The following TRAPPC9 variants were observed in gnomAD, a reference collection of about 807,000 sequenced individuals.
TRAPPC9 encodes the protein trafficking protein particle complex subunit 9, also known as IKK2 binding protein.
A neutral mutation model predicts 124.0 loss-of-function variants in TRAPPC9; 83 were observed. That is an observed-to-expected ratio of 0.67 (90% confidence interval 0.56 to 0.80). TRAPPC9 has a LOEUF of 0.80. Ranked by LOEUF, TRAPPC9 falls within the 30% of genes least tolerant of loss-of-function variation. The pLI, the probability that TRAPPC9 is intolerant of heterozygous loss-of-function variation, is 0.00. For missense variants in TRAPPC9, 1,302 were observed against 1,508.3 expected, an observed-to-expected ratio of 0.86 and a Z score of 2.27; for synonymous variants, 638 against 617.5, an observed-to-expected ratio of 1.03 and a Z score of -0.49.
intron 18 of TRAPPC9, among the ~76,000 whole-genome samples, chr8:140,014,219 G>A (rs1468987398): frequency 6.6e-6 from 1 of 152,132 alleles, no homozygotes; most frequent in Non-Finnish European, 1.5e-5. Context: ...AAATGTCTAA[G>A]AGTGGATCGT....
At chr8:140,004,675 C>A (rs112663125) in intron 18 of TRAPPC9, among the ~76,000 whole-genome samples, 7,126 of 152,160 alleles carry the variant, frequency 0.047, 176 homozygotes, top group South Asian at 0.076. Flanking sequence ...GCTGCAAAAC[C>A]TACCAGCCAA....
At chr8:140,082,139 T>C (rs956528700) in intron 17 of TRAPPC9, 1 of 152,214 alleles carries the variant, frequency 6.6e-6, no homozygotes, top group Non-Finnish European at 1.5e-5. Context: ...TTCTTCCTTA[T>C]CTGAAATGTG....
intron 21 of TRAPPC9, among the ~76,000 whole-genome samples, chr8:139,832,006 C>G (rs1826026989): frequency 6.6e-6 from 1 of 152,222 alleles, no homozygotes; most frequent in African/African-American, 2.4e-5. Flanking sequence ...AACCTTGTGT[C>G]TCCAGGTTCC....
chr8:140,115,461 G>A (rs60338212), intron 17 of TRAPPC9, among the ~76,000 whole-genome samples: 1 of 151,904 alleles, frequency 6.6e-6, no homozygotes, highest in Non-Finnish European at 1.5e-5. Flanking sequence ...TAGAGACGGG[G>A]TTTCACCGTC....
chr8:139,937,574 G>T (rs1833613914), intron 19 of TRAPPC9, among the ~76,000 whole-genome samples: 1 of 152,130 alleles, frequency 6.6e-6, no homozygotes, highest in Admixed American at 6.5e-5. Context: ...GTGGGGCCAG[G>T]AGAGAGGGAG....
intron 19 of TRAPPC9, among the ~76,000 whole-genome samples, chr8:139,976,207 C>T (rs1234974747): frequency 6.6e-6 from 1 of 151,946 alleles, no homozygotes; most frequent in South Asian, 2.1e-4. Context: ...TTTTTTAACA[C>T]CCCATGCTGG....
chr8:139,855,659 G>A (rs963010714), intron 21 of TRAPPC9, among the ~76,000 whole-genome samples: 2 of 152,160 alleles, frequency 1.3e-5, no homozygotes, highest in Non-Finnish European at 2.9e-5. Context: ...AGGCCCTGGC[G>A]CCTCTCTCTG....
chr8:139,771,071 C>T (rs1373635837), intron 21 of TRAPPC9, among the ~76,000 whole-genome samples: 1 of 152,116 alleles, frequency 6.6e-6, no homozygotes, highest in African/African-American at 2.4e-5. Flanking sequence ...GTGTGGTCAG[C>T]CCTTGAGCAT....
chr8:140,085,246 C>T (rs974319621), intron 17 of TRAPPC9, among the ~76,000 whole-genome samples: 62 of 151,992 alleles, frequency 4.1e-4, no homozygotes, highest in African/African-American at 1.3e-3. Flanking sequence ...CGAGCCCACA[C>T]GCCCACGTCC....
At chr8:140,358,771 C>A (rs2132165713) in intron 9 of TRAPPC9, among the ~76,000 whole-genome samples, 1 of 152,306 alleles carries the variant, frequency 6.6e-6, no homozygotes, top group Middle Eastern at 3.4e-3. Context: ...TAATGAGTCG[C>A]CCAGACGGCC....
chr8:140,427,844 G>A (rs541846506), intron 4 of TRAPPC9, among the ~76,000 whole-genome samples: 13 of 152,090 alleles, frequency 8.5e-5, no homozygotes, highest in Admixed American at 3.3e-4. Flanking sequence ...CAATCTTGAC[G>A]CCACCATTAA....
At chr8:139,913,600 C>T (rs1831899077) in intron 19 of TRAPPC9, among the ~76,000 whole-genome samples, 1 of 152,224 alleles carries the variant, frequency 6.6e-6, no homozygotes. Flanking sequence ...AACAGGCCTG[C>T]TGCTTGTGTT....
intron 21 of TRAPPC9, among the ~76,000 whole-genome samples, chr8:139,863,373 G>A (rs1025359978): frequency 1.3e-5 from 2 of 152,236 alleles, no homozygotes; most frequent in African/African-American, 4.8e-5. Context: ...GAGGCACGGA[G>A]GGCCCAAAGA....
intron 21 of TRAPPC9, among the ~76,000 whole-genome samples, chr8:139,871,462 C>T (rs1563879162): frequency 1.3e-5 from 2 of 152,200 alleles, no homozygotes; most frequent in Non-Finnish European, 2.9e-5. Flanking sequence ...GGAGGGTCTG[C>T]CCCAGCCCCG....
intron 7 of TRAPPC9, among the ~76,000 whole-genome samples, chr8:140,385,461 G>A (rs532552164): frequency 5.9e-5 from 9 of 151,996 alleles, no homozygotes; most frequent in East Asian, 1.9e-4. Flanking sequence ...TCAAATAGAC[G>A]AAATAAAAAA....
At chr8:140,026,414 G>T (rs1014893837) in intron 17 of TRAPPC9, among the ~76,000 whole-genome samples, 1 of 152,178 alleles carries the variant, frequency 6.6e-6, no homozygotes, top group Admixed American at 6.5e-5. Context: ...CCACCATATT[G>T]TTTCGCACAG....
intron 6 of TRAPPC9, 80 bp from the exon 7 acceptor site, chr8:140,397,825 A>C: frequency 1.3e-6 from 2 of 1,573,092 alleles, no homozygotes; most frequent in Non-Finnish European, 1.7e-6. Flanking sequence ...TGCTACTGGG[A>C]CTCAATAACT....
Position 140,188,658 on chromosome 8 carries a change from G to A in TRAPPC9, c.2556+32801C>T, listed in dbSNP as rs116435614. Among the ~76,000 whole-genome samples, 383 of 152,232 alleles carry A rather than the reference G, an allele frequency of 2.5e-3. 1 individual carries two copies. Among genetic ancestry groups the A allele is most frequent in the African/African-American group, 8.7e-3 (362 of 41,532 alleles). On this transcript the variant is annotated intron_variant, in intron 17 of 22. Transcript: ENST00000438773. ...TACCAGCCTCTGCCTCACACTTGCT[G>A]GCACCCAGACCTGAAATGTCCTTGA...
intron 5 of TRAPPC9, among the ~76,000 whole-genome samples, chr8:140,408,028 CT>C (rs1227755387): frequency 6.6e-6 from 1 of 152,178 alleles, no homozygotes; most frequent in East Asian, 1.9e-4. Flanking sequence ...CCCAAGAGAG[CT>C]TAGTGGGTCA....
Sources: allele counts gnomAD v4.1 joint callset (sites outside exome capture counted in the v4.1 genomes callset), GRCh38; gene constraint gnomAD v4.1.1; transcripts MANE v1.5; gene names NCBI Gene and HGNC (gene_info 2026-07-23, HGNC 2026-07-21).